The following AGBL1 variants were observed in gnomAD, a reference collection of about 807,000 sequenced individuals.
AGBL1 encodes the protein AGBL carboxypeptidase 1.
A neutral mutation model predicts 118.9 loss-of-function variants in AGBL1; 130 were observed. That is an observed-to-expected ratio of 1.09 (90% CI 0.95 to 1.26). The LOEUF is 1.26. Among genes scored for constraint, AGBL1 ranks in the 50% most tolerant of loss-of-function variants. The probability of loss-of-function intolerance (pLI) is 0.00; values close to 1 mark genes in which losing one functional copy is unlikely to be tolerated. For missense variants in AGBL1, 1,584 were observed against 1,298.1 expected (o/e 1.22, Z -3.38); for synonymous variants, 555 against 478.9 (o/e 1.16, Z -2.08).
At chr15:86,089,098 T>C (rs1597378090) in intron 1 of AGBL1, among the ~76,000 whole-genome samples, 1 of 152,346 alleles carries the variant, frequency 6.6e-6, no homozygotes, top group Non-Finnish European at 1.5e-5. Flanking sequence ...AAAATTTTTT[T>C]GGCAAAACCC....
chr15:86,213,167 T>C (rs1421372473), intron 5 of AGBL1, among the ~76,000 whole-genome samples: 1 of 152,210 alleles, frequency 6.6e-6, no homozygotes, highest in Non-Finnish European at 1.5e-5. Flanking sequence ...CTAAAAGATC[T>C]CTTTTTTTAG....
intron 22 of AGBL1, among the ~76,000 whole-genome samples, chr15:86,827,465 ATATACATATATATATATATGTGTG>A (rs1207536181): frequency 1.1e-3 from 12 of 10,872 alleles, no homozygotes; most frequent in East Asian, 0.028. Flanking sequence ...ATATATATAT[ATATACATATATATATATATGTGTG>A]TATATATATA....
At chr15:86,247,165 G>A (rs940584315) in intron 6 of AGBL1, among the ~76,000 whole-genome samples, 1 of 152,162 alleles carries the variant, frequency 6.6e-6, no homozygotes, top group Non-Finnish European at 1.5e-5. Flanking sequence ...AATTTGACCA[G>A]ATGCCCAATA....
intron 22 of AGBL1, among the ~76,000 whole-genome samples, chr15:86,885,774 G>T (rs1483817244): frequency 6.6e-6 from 1 of 152,160 alleles, no homozygotes; most frequent in African/African-American, 2.4e-5. Context: ...CTTACTCCAT[G>T]CTCTGAGCCC....
intron 24 of AGBL1, among the ~76,000 whole-genome samples, chr15:87,014,098 A>T (rs972872206): frequency 3.9e-5 from 6 of 152,298 alleles, no homozygotes; most frequent in African/African-American, 1.4e-4. Flanking sequence ...ATTAATTCCA[A>T]CACATTGCTT....
chr15:86,145,625 C>T (rs771132061), intron 3 of AGBL1, among the ~76,000 whole-genome samples: 3 of 152,182 alleles, frequency 2.0e-5, no homozygotes, highest in Non-Finnish European at 2.9e-5. Context: ...ATTCAACATG[C>T]TGCTGATAAT....
chr15:86,928,640 A>G (rs1043400013), intron 23 of AGBL1, among the ~76,000 whole-genome samples: 22 of 152,172 alleles, frequency 1.4e-4, no homozygotes, highest in African/African-American at 4.6e-4. Context: ...TCCAAGTACC[A>G]TGCATGTTTT....
chr15:86,285,631 A>G (rs2079430634), intron 16 of AGBL1, among the ~76,000 whole-genome samples: 1 of 152,106 alleles, frequency 6.6e-6, no homozygotes, highest in Non-Finnish European at 1.5e-5. Flanking sequence ...TCTTTCCTTT[A>G]CACATGACCC....
chr15:86,979,983 T>C (rs1306958573), intron 23 of AGBL1, among the ~76,000 whole-genome samples: 9 of 152,202 alleles, frequency 5.9e-5, no homozygotes, highest in African/African-American at 1.9e-4. Context: ...TTTCTCACTT[T>C]CTTTTCCCTT....
At chr15:86,873,771 T>C (rs1165459757) in intron 22 of AGBL1, among the ~76,000 whole-genome samples, 1 of 152,172 alleles carries the variant, frequency 6.6e-6, no homozygotes, top group East Asian at 1.9e-4. Context: ...CAATTTATGG[T>C]ATTTTGCTAT....
At chr15:86,862,997 C>A (rs901062905) in intron 22 of AGBL1, among the ~76,000 whole-genome samples, 3 of 152,246 alleles carry the variant, frequency 2.0e-5, no homozygotes, top group African/African-American at 7.2e-5. Flanking sequence ...AAATGATTTG[C>A]CAATAGGCTT....
At chr15:86,529,881 T>A (rs1464014901) in intron 19 of AGBL1, among the ~76,000 whole-genome samples, 1 of 141,554 alleles carries the variant, frequency 7.1e-6, no homozygotes, top group Non-Finnish European at 1.5e-5. Flanking sequence ...GAAGGAGAAA[T>A]AAAATACTTT....
At chr15:86,763,125 ACTCCTTTAC>A (rs1475485654) in intron 22 of AGBL1, among the ~76,000 whole-genome samples, 7 of 151,968 alleles carry the variant, frequency 4.6e-5, no homozygotes, top group Admixed American at 4.6e-4. Flanking sequence ...TCCAAATCAC[ACTCCTTTAC>A]CTAGTCTCCA....
At chr15:86,091,986 T>A (rs368673051) in intron 1 of AGBL1, among the ~76,000 whole-genome samples, 1 of 152,264 alleles carries the variant, frequency 6.6e-6, no homozygotes, top group East Asian at 1.9e-4. Context: ...ATCTCTCTTC[T>A]CCAAAGTTGC....
intron 21 of AGBL1, among the ~76,000 whole-genome samples, chr15:86,653,568 C>A (rs1365863257): frequency 6.6e-6 from 1 of 152,138 alleles, no homozygotes; most frequent in African/African-American, 2.4e-5. Context: ...GCCCTGAAGG[C>A]AACACAAATC....
chr15:87,018,616 A>G (rs1248309802), intron 24 of AGBL1, among the ~76,000 whole-genome samples: 1 of 152,110 alleles, frequency 6.6e-6, no homozygotes, highest in African/African-American at 2.4e-5. Flanking sequence ...AGGAAGCACT[A>G]AATATGGAAA....
chr15:86,790,717 C>T (rs1172149338), intron 22 of AGBL1, among the ~76,000 whole-genome samples: 2 of 151,980 alleles, frequency 1.3e-5, no homozygotes, highest in Admixed American at 1.3e-4. Context: ...GGACTGCTCC[C>T]TCTTCATCTT....
At chr15:86,442,308 G>T (rs1308598471) in intron 18 of AGBL1, among the ~76,000 whole-genome samples, 3 of 152,176 alleles carry the variant, frequency 2.0e-5, no homozygotes, top group African/African-American at 7.2e-5. Context: ...AATGGAATGA[G>T]CCTGAGCCTC....
At chr15:86,366,865 G>T (rs2080895339) in intron 17 of AGBL1, among the ~76,000 whole-genome samples, 1 of 152,174 alleles carries the variant, frequency 6.6e-6, no homozygotes. Flanking sequence ...ATGAGGCTCA[G>T]CTAAGTGATT....
Sources: allele counts gnomAD v4.1 joint callset (sites outside exome capture counted in the v4.1 genomes callset), GRCh38; gene constraint gnomAD v4.1.1; transcripts MANE v1.5; gene names NCBI Gene and HGNC (gene_info 2026-07-23, HGNC 2026-07-21).